Variants in CLDN14 observed in about 807,000 individuals in gnomAD.
The protein encoded by CLDN14 is claudin-14.
In CLDN14, 2 loss-of-function variants were observed where a neutral mutation model predicts 2.1. The ratio of observed to expected loss-of-function variants is 0.96; its 90% CI spans 0.39 to 3.01. The LOEUF is 3.01. Among genes scored for constraint, CLDN14 ranks in the 30% most tolerant of loss-of-function variants. CLDN14 has a pLI of 0.09. For synonymous variants in CLDN14, 136 were observed against 154.4 expected (o/e 0.88, Z 0.88); for missense variants, 298 against 328.0 (o/e 0.91, Z 0.71).
intron 2 of CLDN14, among the ~76,000 whole-genome samples, chr21:36,500,947 G>T (rs1601613820): frequency 6.6e-6 from 1 of 152,356 alleles, no homozygotes; most frequent in Non-Finnish European, 1.5e-5. Flanking sequence ...TACGCAGGGG[G>T]TATGATTAGA....
intron 1 of CLDN14, among the ~76,000 whole-genome samples, chr21:36,566,882 G>C (rs1278484843): frequency 6.6e-6 from 1 of 152,206 alleles, no homozygotes; most frequent in Non-Finnish European, 1.5e-5. Flanking sequence ...TCACGTTGAT[G>C]GGTGAGGAGG....
At chr21:36,523,622 C>A (rs750914082) in intron 1 of CLDN14, among the ~76,000 whole-genome samples, 13 of 151,214 alleles carry the variant, frequency 8.6e-5, no homozygotes, top group Non-Finnish European at 1.5e-4. Flanking sequence ...GTGGTGTGCA[C>A]TTGTAACCCC....
At chr21:36,473,581 AC>A (rs1395489773) in intron 1 of CLDN14, among the ~76,000 whole-genome samples, 1 of 152,212 alleles carries the variant, frequency 6.6e-6, no homozygotes, top group Non-Finnish European at 1.5e-5. Flanking sequence ...GTCTGTGCCT[AC>A]CCACCTGGGG....
intron 1 of CLDN14, among the ~76,000 whole-genome samples, chr21:36,479,216 AAG>A (rs983816662): frequency 1.3e-5 from 2 of 152,148 alleles, no homozygotes; most frequent in African/African-American, 2.4e-5. Flanking sequence ...AAGCGATGAA[AAG>A]AGTTCTGCCC....
intron 2 of CLDN14, among the ~76,000 whole-genome samples, chr21:36,503,686 C>T (rs1312517108): frequency 6.6e-6 from 1 of 152,058 alleles, no homozygotes; most frequent in African/African-American, 2.4e-5. Flanking sequence ...TGAAAATGAA[C>T]TAATACACCA....
At chr21:36,468,695 T>C (rs912548702) in intron 1 of CLDN14, among the ~76,000 whole-genome samples, 4 of 152,212 alleles carry the variant, frequency 2.6e-5, no homozygotes, top group African/African-American at 9.6e-5. Context: ...AAGTAACTCT[T>C]ACGCTATGAT....
chr21:36,513,983 C>T (rs1466417911), intron 1 of CLDN14, among the ~76,000 whole-genome samples: 1 of 152,178 alleles, frequency 6.6e-6, no homozygotes, highest in Non-Finnish European at 1.5e-5. Flanking sequence ...CAGGTTCACA[C>T]CACCATGCCT....
intron 2 of CLDN14, chr21:36,486,143 T>C (rs774359231): frequency 3.9e-6 from 5 of 1,281,442 alleles, no homozygotes; most frequent in African/African-American, 1.5e-5. Context: ...CACGTCGTAA[T>C]CATCCTCCTC....
intron 1 of CLDN14, among the ~76,000 whole-genome samples, chr21:36,471,166 G>A (rs1457703681): frequency 6.6e-6 from 1 of 152,030 alleles, no homozygotes; most frequent in Admixed American, 6.5e-5. Context: ...CCAGGAGTTC[G>A]AGGCCATTCC....
chr21:36,499,236 C>T lies in CLDN14; in HGVS notation c.-82+11127G>A, dbSNP rs1303813830. On this transcript the variant is annotated intron_variant, in intron 2 of 2. Transcript: ENST00000342108. The surrounding 1 kb of genome is among the most constrained non-coding windows in gnomAD (Gnocchi z 4.7). ...CACTTTGATGTGAATGGGGCCATTG[C>T]TTTCAGCTTTCTCCAAGGTTTTTGT... Among the ~76,000 whole-genome samples the T allele has an allele frequency of 6.6e-6, 1 of 152,208 alleles. No homozygotes were observed. Among genetic ancestry groups the T allele is most frequent in the Non-Finnish European group, 1.5e-5 (1 of 68,046 alleles).
upstream of CLDN14, among the ~76,000 whole-genome samples, chr21:36,484,271 T>C (rs2086873873): frequency 6.6e-6 from 1 of 152,232 alleles, no homozygotes; most frequent in Non-Finnish European, 1.5e-5. Flanking sequence ...AGCCCCATGT[T>C]CTTGGGTTTA....
At chr21:36,535,526 TA>T (rs1471891858) in intron 1 of CLDN14, among the ~76,000 whole-genome samples, 1 of 152,208 alleles carries the variant, frequency 6.6e-6, no homozygotes. Flanking sequence ...GTATGTGAAT[TA>T]TAACTATAAA....
intron 1 of CLDN14, among the ~76,000 whole-genome samples, chr21:36,552,287 T>C (rs1051456292): frequency 6.6e-6 from 1 of 152,220 alleles, no homozygotes; most frequent in African/African-American, 2.4e-5. Flanking sequence ...AAAATGAGAA[T>C]GGTTCTGGCA....
At position 36,460,646 on chromosome 21, in the gene CLDN14, G is replaced by C. The variant is rs1017726154; in HGVS notation, c.*330C>G. ...TTTCATAAACAGCCACATCCGCAAG[G>C]TTTATTCCTGGATCACAAACCAACC... On this transcript the variant is annotated 3_prime_UTR_variant, in exon 2 of 2. Coordinates refer to ENST00000399135, the MANE Select transcript of CLDN14 (RefSeq NM_001146079.2). The surrounding 1 kb of genome is among the most constrained non-coding windows in gnomAD (Gnocchi z 4.0). 15 of 297,192 alleles carry C rather than the reference G, an allele frequency of 5.0e-5. No individual in the cohort carries two copies. Among genetic ancestry groups the C allele is most frequent in the African/African-American group, 3.3e-4 (15 of 45,806 alleles). The allele number at this position is 297,192 out of a possible 1,614,324, so 18.4% of individuals were successfully genotyped here.
chr21:36,543,687 G>A (rs1358510503), intron 1 of CLDN14, among the ~76,000 whole-genome samples: 1 of 152,156 alleles, frequency 6.6e-6, no homozygotes, highest in Non-Finnish European at 1.5e-5. Flanking sequence ...GGGTCCTGAG[G>A]CCAGTAGCTG....
At chr21:36,486,601 A>T in intron 2 of CLDN14, 2 of 1,546,156 alleles carry the variant, frequency 1.3e-6, no homozygotes, top group Non-Finnish European at 1.8e-6. Flanking sequence ...CCAGATGAGA[A>T]CCGCTTCCAT....
chr21:36,488,258 C>CTTCCTTCT (rs1555846826), intron 2 of CLDN14, among the ~76,000 whole-genome samples: 1 of 149,160 alleles, frequency 6.7e-6, no homozygotes, highest in African/African-American at 2.5e-5. Flanking sequence ...TCCTTCCTTC[C>CTTCCTTCT]TTCCTTCCTT....
intron 1 of CLDN14, among the ~76,000 whole-genome samples, chr21:36,474,343 C>G (rs188108342): frequency 1.1e-3 from 168 of 152,248 alleles, no homozygotes; most frequent in African/African-American, 4.0e-3. Flanking sequence ...GTTGCAGATA[C>G]CTGCAAAGGA....
At chr21:36,555,541 C>T (rs2087592666) in intron 1 of CLDN14, among the ~76,000 whole-genome samples, 1 of 152,156 alleles carries the variant, frequency 6.6e-6, no homozygotes, top group Admixed American at 6.5e-5. Flanking sequence ...GTGCAGGAGC[C>T]CACGGGGCTT....
Sources: allele counts gnomAD v4.1 joint callset (sites outside exome capture counted in the v4.1 genomes callset), GRCh38; gene constraint gnomAD v4.1.1; non-coding constraint Gnocchi (gnomAD v3.1); transcripts MANE v1.5; gene names NCBI Gene and HGNC (gene_info 2026-07-23, HGNC 2026-07-21).